UPF3A: variants seen among roughly 807,000 people sequenced by gnomAD.
The protein encoded by UPF3A is UPF3A regulator of nonsense mediated mRNA decay.
In UPF3A, 42 loss-of-function variants were observed where a neutral mutation model predicts 53.5. The ratio of observed to expected loss-of-function variants is 0.78; its 90% CI spans 0.61 to 1.01. UPF3A has a LOEUF of 1.01. Among genes scored for constraint, UPF3A ranks in the 50% least tolerant of loss-of-function variants. The pLI, the probability that UPF3A is intolerant of heterozygous loss-of-function variation, is 0.00. For missense variants in UPF3A, 575 were observed against 598.0 expected, an observed-to-expected ratio of 0.96 and a Z score of 0.40; for synonymous variants, 237 against 225.3, an observed-to-expected ratio of 1.05 and a Z score of -0.47.
At chr13:114,292,462 T>TA (rs559889726) in intron 7 of UPF3A, among the ~76,000 whole-genome samples, 21 of 139,780 alleles carry the variant, frequency 1.5e-4, no homozygotes, top group Admixed American at 3.6e-4. Flanking sequence ...GCAGGTGTGT[T>TA]ACGTGTTCAT....
chr13:114,295,188 G>C (rs1210369118), intron 7 of UPF3A, among the ~76,000 whole-genome samples: 1 of 152,120 alleles, frequency 6.6e-6, no homozygotes, highest in Non-Finnish European at 1.5e-5. Context: ...AGGATGCTAA[G>C]CAGTGAGCTT....
chr13:114,294,301 A>G (rs916082896), intron 7 of UPF3A, among the ~76,000 whole-genome samples: 2 of 150,814 alleles, frequency 1.3e-5, no homozygotes, highest in Admixed American at 6.6e-5. Context: ...CAGGGTCTCA[A>G]TGTGTCACCC....
At chr13:114,304,713 C>T in intron 9 of UPF3A, 76 bp from the exon 10 acceptor site, 1 of 1,538,878 alleles carries the variant, frequency 6.5e-7, no homozygotes, top group Non-Finnish European at 8.8e-7. Flanking sequence ...TCATCAAGTT[C>T]TAGAAATATA....
chr13:114,287,325 C>T (rs2084791824), intron 5 of UPF3A: 1 of 152,440 alleles, frequency 6.6e-6, no homozygotes. Context: ...TGTGCCCTGC[C>T]CACCCATCAA....
rs190371505 is a variant in UPF3A, at chr13:114,303,238, C to T, written c.1302+1213C>T. On this transcript the variant is annotated intron_variant, in intron 9 of 9. Transcript: ENST00000375299. ...TCGGGGTGCACAAAGTACAGCCATG[C>T]GTCTTTTTGATAGGGCGTTGCTCAT... Among the ~76,000 whole-genome samples the T allele has an allele frequency of 2.0e-3, 300 of 152,266 alleles. 1 individual carries two copies. Among genetic ancestry groups the T allele is most frequent in the African/African-American group, 6.8e-3 (282 of 41,550 alleles).
intron 5 of UPF3A, among the ~76,000 whole-genome samples, chr13:114,288,985 C>G (rs984441323): frequency 3.3e-5 from 5 of 152,142 alleles, no homozygotes; most frequent in African/African-American, 1.2e-4. Context: ...GGATCGGTCA[C>G]TTTAGGGCTG....
chr13:114,294,786 C>T (rs1417842757), intron 7 of UPF3A, among the ~76,000 whole-genome samples: 1 of 151,588 alleles, frequency 6.6e-6, no homozygotes. Flanking sequence ...GATCACGCCA[C>T]TGCACTCCAG....
At position 114,298,766 on chromosome 13, in the gene UPF3A, G is replaced by A. The variant is rs916681990; in HGVS notation, c.847-74G>A. 1.9e-4 allele frequency: 254 copies of A among 1,332,728 alleles called. 1 individual carries two copies. The highest frequency in any genetic ancestry group is 2.3e-4 in the Non-Finnish European group (237 of 1,016,960). The allele number at this position is 1,332,728 out of a possible 1,614,324, so 82.6% of individuals were successfully genotyped here. On this transcript the variant is annotated intron_variant, in intron 7 of 9. Coordinates refer to ENST00000375299, the MANE Select transcript of UPF3A (RefSeq NM_023011.4). ...TTGGCTTCAATATTGGGGTATATTTGTAATTATTTATTTAACAGCTTCTTT... is the reference window on the plus strand; with the variant it reads ...TTGGCTTCAATATTGGGGTATATTTATAATTATTTATTTAACAGCTTCTTT...
At chr13:114,283,605 C>G in intron 3 of UPF3A, 1 of 297,278 alleles carries the variant, frequency 3.4e-6, no homozygotes, top group Non-Finnish European at 5.0e-6. Flanking sequence ...TGTACACTGA[C>G]TTCTATCTTC....
chr13:114,288,937 A>G (rs541593464), intron 5 of UPF3A, among the ~76,000 whole-genome samples: 3 of 152,192 alleles, frequency 2.0e-5, no homozygotes, highest in Admixed American at 2.0e-4. Flanking sequence ...TGCCCCTCCC[A>G]TTTCCATCTC....
intron 9 of UPF3A, among the ~76,000 whole-genome samples, chr13:114,302,422 C>G (rs572866434): frequency 1.3e-5 from 2 of 152,318 alleles, no homozygotes; most frequent in East Asian, 1.9e-4. Flanking sequence ...TAAGTTAGAT[C>G]TGCACGGACG....
At chr13:114,298,575 T>G (rs571037950) in intron 7 of UPF3A, among the ~76,000 whole-genome samples, 6 of 152,114 alleles carry the variant, frequency 3.9e-5, no homozygotes, top group Non-Finnish European at 5.9e-5. Flanking sequence ...GTGGTGCATG[T>G]TCTGTTTTTT....
rs2084265782 is a variant in UPF3A, at chr13:114,282,925, A to G, written c.403A>G (p.Ile135Val). 2 of 1,608,852 alleles carry G rather than the reference A, an allele frequency of 1.2e-6. No individual in the cohort carries two copies. Among genetic ancestry groups the G allele is most frequent in the African/African-American group, 1.3e-5 (1 of 74,934 alleles). Residue 135 changes from isoleucine (I) to valine (V), a missense_variant, in exon 3 of 10, where the codon ATC (isoleucine) becomes GTC (valine). Transcript: ENST00000375299. The part of the protein sequence containing the change: ...LLFRDRFDGY[I>V]FLDSKGLEYP... ...TTTTAGAGATCGTTTTGATGGATAT[A>G]TCTTCCTTGACAGCAAAGGTTGGAT...
Position 114,281,662 on chromosome 13 carries a change from C to A in UPF3A, c.23C>A (p.Ala8Asp). The A allele has an allele frequency of 6.6e-7, 1 of 1,519,258 alleles. No individual in the cohort carries two copies. The highest frequency in any genetic ancestry group is 8.8e-7 in the Non-Finnish European group (1 of 1,135,214). 94.1% of individuals were successfully genotyped at this position (1,519,258 alleles called of 1,614,324 possible). A position where few individuals can be genotyped will look rare whatever the true frequency, so the allele number is the denominator to read the frequency against. The change falls in exon 1 of 10, where the codon GCC becomes GAC. Residue 8 changes from alanine (A) to aspartate (D), a missense_variant. This residue lies in a region of UPF3A where 252 missense variants were observed against 182.7 expected (regional missense o/e 1.38). Coordinates refer to ENST00000375299, the MANE Select transcript of UPF3A (RefSeq NM_023011.4). ...GGCATGCGCTCGGAAAAGGAGGGGG[C>A]CGGAGGCCTTCGGGCGGCCGTTGCC... Reference protein sequence around the residue: MRSEKEGAGGLRAAVAAR... With the variant: MRSEKEGDGGLRAAVAAR...
At chr13:114,295,362 C>CA (rs2085809467) in intron 7 of UPF3A, among the ~76,000 whole-genome samples, 2 of 130,570 alleles carry the variant, frequency 1.5e-5, no homozygotes, top group Admixed American at 7.5e-5. Flanking sequence ...TCGTCTCCAG[C>CA]GGCTCTGGCG....
At chr13:114,287,677 T>C (rs969299786) in intron 5 of UPF3A, 5 of 152,204 alleles carry the variant, frequency 3.3e-5, no homozygotes, top group Non-Finnish European at 5.9e-5. Flanking sequence ...AACTCCCTTC[T>C]TGTTTTGTCT....
intron 5 of UPF3A, among the ~76,000 whole-genome samples, chr13:114,289,167 A>C (rs1271196181): frequency 6.6e-6 from 1 of 152,042 alleles, no homozygotes; most frequent in Non-Finnish European, 1.5e-5. Flanking sequence ...GGGAGCGATT[A>C]ATTCATTCCA....
intron 9 of UPF3A, among the ~76,000 whole-genome samples, chr13:114,304,433 C>T (rs2086860608): frequency 1.3e-5 from 2 of 152,348 alleles, no homozygotes; most frequent in South Asian, 2.1e-4. Flanking sequence ...AAATTGCTTA[C>T]TACTCACGTT....
chr13:114,298,706 G>A (rs1006291140), intron 7 of UPF3A, 134 bp from the exon 8 acceptor site: 2 of 899,768 alleles, frequency 2.2e-6, no homozygotes, highest in African/African-American at 3.5e-5. Flanking sequence ...CCTCATTTTT[G>A]GACCTTTAGC....
Sources: gnomAD v4.1 joint callset for allele counts (sites outside exome capture counted in the v4.1 genomes callset) on GRCh38, gnomAD v4.1.1 for gene constraint, gnomAD v4.1.1 regional missense constraint, MANE v1.5 for transcripts, NCBI Gene and HGNC (gene_info 2026-07-23, HGNC 2026-07-21) for gene names.